RNF212B: variants seen among roughly 807,000 people sequenced by gnomAD.
The protein encoded by RNF212B is E3 ubiquitin-protein ligase RNF212B.
A neutral mutation model predicts 55.5 loss-of-function variants in RNF212B; 52 were observed. The ratio of observed to expected loss-of-function variants is 0.94; its 90% confidence interval spans 0.75 to 1.18. The LOEUF (loss-of-function observed/expected upper bound fraction) is 1.18. RNF212B is among the 50% of genes most tolerant of loss of function. RNF212B has a pLI of 0.00. For missense variants in RNF212B, 289 were observed against 350.4 expected, an observed-to-expected ratio of 0.82 and a Z score of 1.40; for synonymous variants, 99 against 121.4, an observed-to-expected ratio of 0.82 and a Z score of 1.21.
At chr14:23,193,341 G>A (rs2140357868) in exon 2 of RNF212B, 1 of 152,202 alleles carries the variant, frequency 6.6e-6, no homozygotes, top group Middle Eastern at 3.4e-3. Flanking sequence ...GTTGGAGAAT[G>A]TGCACCACCA....
intron 4 of RNF212B, among the ~76,000 whole-genome samples, chr14:23,246,827 G>A (rs1884016480): frequency 1.3e-5 from 2 of 152,196 alleles, no homozygotes; most frequent in Non-Finnish European, 2.9e-5. Flanking sequence ...GATCATATAA[G>A]TGAAAAGAAG....
chr14:23,206,750 CTT>C (rs1822963729), intron 2 of RNF212B, among the ~76,000 whole-genome samples: 1 of 152,214 alleles, frequency 6.6e-6, no homozygotes, highest in African/African-American at 2.4e-5. Context: ...TTTTATTTTT[CTT>C]TGAGTCAAAT....
At position 23,264,680 on chromosome 14, in the gene RNF212B, G is replaced by A. The variant is rs1479613960; in HGVS notation, c.634+9G>A. ...CAGAGACTCTTATAATGGTGAGGTG[G>A]GGGGAAAAGGGTGTCAGAAATCAAC... On this transcript the variant is annotated intron_variant, in intron 11 of 14. Transcript: ENST00000430154. 5 of 1,285,960 alleles carry A rather than the reference G, an allele frequency of 3.9e-6. No homozygotes were observed. The East Asian group carries it at 1.5e-4, about 38-fold the overall frequency. The allele number at this position is 1,285,960 out of a possible 1,614,324, so 79.7% of individuals were successfully genotyped here. A position where few individuals can be genotyped will look rare whatever the true frequency, so the allele number is the denominator to read the frequency against.
At chr14:23,255,131 A>G (rs1427280900) in intron 4 of RNF212B, among the ~76,000 whole-genome samples, 1 of 152,192 alleles carries the variant, frequency 6.6e-6, no homozygotes, top group Non-Finnish European at 1.5e-5. Flanking sequence ...TACCCTTTAC[A>G]AGGAAAGTAA....
intron 2 of RNF212B, among the ~76,000 whole-genome samples, chr14:23,207,803 G>C (rs1336250293): frequency 6.6e-6 from 1 of 152,146 alleles, no homozygotes; most frequent in Admixed American, 6.5e-5. Context: ...CAAGGTGGTC[G>C]GGGTACAGCT....
At chr14:23,187,672 C>A (rs761875) in intron 1 of RNF212B, among the ~76,000 whole-genome samples, 88,785 of 151,934 alleles carry the variant, frequency 0.58, 28,816 homozygotes, top group East Asian at 0.82. Flanking sequence ...AGGTTACCAA[C>A]AAAGGACCCA....
chr14:23,269,840 A>G, intron 12 of RNF212B, 23 bp from the exon 13 acceptor site: 2 of 1,313,628 alleles, frequency 1.5e-6, no homozygotes, highest in East Asian at 2.5e-5. Flanking sequence ...TTCTCTGCTG[A>G]TGCTTTTATT....
chr14:23,232,473 G>A lies in RNF212B; in HGVS notation c.-1-7872G>A, dbSNP rs1340069478. Among the ~76,000 whole-genome samples, 14 of 114,616 alleles carry A rather than the reference G, an allele frequency of 1.2e-4. No homozygotes were observed. The South Asian group carries it at 3.1e-3, about 25-fold the overall frequency. The allele number at this position is 114,616 out of a possible 152,430, so 75.2% of individuals were successfully genotyped here. A position where few individuals can be genotyped will look rare whatever the true frequency, so the allele number is the denominator to read the frequency against. ...AGCCGCCCCGTCTGAGAAGTGAGGA[G>A]CCCCTCCGCCCGGCAGCCGCCCCGT... On this transcript the variant is annotated intron_variant, in intron 2 of 15. Coordinates refer to the RNF212B transcript ENST00000399910.
At chr14:23,230,609 G>A (rs953416602) in intron 2 of RNF212B, among the ~76,000 whole-genome samples, 44 of 128,046 alleles carry the variant, frequency 3.4e-4, no homozygotes, top group African/African-American at 1.3e-3. Context: ...AGCCGAGATC[G>A]CGCCACTGCA....
Position 23,196,673 on chromosome 14 carries a change from C to A in RNF212B, c.-2+3272C>A, listed in dbSNP as rs192306359. On this transcript the variant is annotated intron_variant, in intron 2 of 15. Coordinates refer to the RNF212B transcript ENST00000399910. ...CCCAGGCTGATCTTGAACTCCTGGT[C>A]TCAAGCAATCCTCCTGCCTAGGCCT... Among the ~76,000 whole-genome samples, 140 of 152,284 alleles carry A rather than the reference C, an allele frequency of 9.2e-4. 1 individual carries two copies. Among genetic ancestry groups the A allele is most frequent in the African/African-American group, 3.2e-3 (133 of 41,558 alleles).
At chr14:23,232,736 T>TG (rs1299101331) in intron 2 of RNF212B, among the ~76,000 whole-genome samples, 11 of 78,964 alleles carry the variant, frequency 1.4e-4, no homozygotes, top group East Asian at 8.7e-4. Flanking sequence ...GGGAGGGAGG[T>TG]GGGGGGGTCA....
intron 11 of RNF212B, among the ~76,000 whole-genome samples, chr14:23,265,100 C>T (rs1247590184): frequency 2.0e-5 from 3 of 152,276 alleles, no homozygotes; most frequent in South Asian, 2.1e-4. Flanking sequence ...GGATTACAGG[C>T]GTGAGCCACT....
At chr14:23,239,274 G>A (rs113457346) in intron 1 of RNF212B, among the ~76,000 whole-genome samples, 31 of 152,268 alleles carry the variant, frequency 2.0e-4, no homozygotes, top group Admixed American at 5.9e-4. Flanking sequence ...TGGCCAGGCT[G>A]GTCTTGAACT....
At chr14:23,232,580 C>G (rs570883617) in intron 2 of RNF212B, among the ~76,000 whole-genome samples, 1 of 151,576 alleles carries the variant, frequency 6.6e-6, no homozygotes, top group African/African-American at 2.4e-5. Flanking sequence ...GCAGCCACCC[C>G]GTCCGGGAGG....
chr14:23,270,502 G>A, intron 13 of RNF212B, 98 bp from the exon 14 acceptor site: 2 of 787,074 alleles, frequency 2.5e-6, no homozygotes, highest in East Asian at 2.7e-5. Flanking sequence ...TCTGAGTAGT[G>A]TTCCTTTAAG....
chr14:23,244,531 C>T (rs772322802), intron 4 of RNF212B, 135 bp downstream of exon 4: 25 of 564,596 alleles, frequency 4.4e-5, no homozygotes, highest in Middle Eastern at 8.5e-4. Context: ...TTGCTTTCTT[C>T]CTTGATGATA....
rs541098227 is a variant in RNF212B, at chr14:23,268,543, A to G, written c.635-381A>G. On this transcript the variant is annotated intron_variant, in intron 11 of 14. Transcript: ENST00000430154. ...TCTCATTGCTTTTATGGAGGAGGAAATTTTTGGAGGTCTTTGCTCTGCCAT... is the reference window on the plus strand; with the variant it reads ...TCTCATTGCTTTTATGGAGGAGGAAGTTTTTGGAGGTCTTTGCTCTGCCAT... 2.6e-5 allele frequency among the ~76,000 whole-genome samples: 4 copies of G among 152,220 alleles called. No homozygotes were observed. The South Asian group carries it at 8.3e-4, about 32-fold the overall frequency.
intron 2 of RNF212B, among the ~76,000 whole-genome samples, chr14:23,193,802 A>G (rs1249754616): frequency 6.6e-6 from 1 of 151,682 alleles, no homozygotes; most frequent in African/African-American, 2.4e-5. Context: ...GGTAGTTATT[A>G]GAAGTTTTGT....
At chr14:23,203,234 A>G (rs1426058911) in intron 2 of RNF212B, among the ~76,000 whole-genome samples, 1 of 151,724 alleles carries the variant, frequency 6.6e-6, no homozygotes, top group Non-Finnish European at 1.5e-5. Flanking sequence ...AGAACATATG[A>G]TGTTTGGTTT....
Sources: gnomAD v4.1 joint callset for allele counts (sites outside exome capture counted in the v4.1 genomes callset) on GRCh38, gnomAD v4.1.1 for gene constraint, MANE v1.5 for transcripts, NCBI Gene and HGNC (gene_info 2026-07-23, HGNC 2026-07-21) for gene names.